The following AQP9 variants were observed in gnomAD, a reference collection of about 807,000 sequenced individuals.
The protein encoded by AQP9 is aquaporin 9.
In AQP9, 19 loss-of-function variants were observed where a neutral mutation model predicts 23.8. The ratio of observed to expected loss-of-function variants is 0.80; its 90% CI spans 0.56 to 1.17. The LOEUF (loss-of-function observed/expected upper bound fraction) is 1.17. Among genes scored for constraint, AQP9 ranks in the 50% most tolerant of loss-of-function variants. The pLI is 0.00. For synonymous variants in AQP9, 153 were observed against 131.5 expected (o/e 1.16, Z -1.12); for missense variants, 413 against 362.0 (o/e 1.14, Z -1.14).
intron 2 of AQP9, among the ~76,000 whole-genome samples, chr15:58,172,185 C>A (rs929894251): frequency 6.6e-6 from 1 of 152,168 alleles, no homozygotes; most frequent in Non-Finnish European, 1.5e-5. Context: ...GACCATGTAG[C>A]CTTAAGAAAC....
chr15:58,182,570 A>G (rs1410830950), intron 5 of AQP9, among the ~76,000 whole-genome samples: 3 of 152,184 alleles, frequency 2.0e-5, no homozygotes, highest in Admixed American at 1.3e-4. Flanking sequence ...TACTCCCTTC[A>G]TGTTTTGACC....
At chr15:58,183,364 T>A (rs1250728726) in intron 5 of AQP9, among the ~76,000 whole-genome samples, 1 of 152,212 alleles carries the variant, frequency 6.6e-6, no homozygotes, top group African/African-American at 2.4e-5. Flanking sequence ...GTACTAACAT[T>A]GAGGATTTCT....
chr15:58,166,638 C>G, intron 1 of AQP9, 35 bp from the exon 2 acceptor site: 1 of 1,570,612 alleles, frequency 6.4e-7, no homozygotes, highest in East Asian at 2.3e-5. Flanking sequence ...CAGTAGCCAT[C>G]CCCACTTACC....
At chr15:58,142,354 A>G (rs1450269710) in intron 1 of AQP9, among the ~76,000 whole-genome samples, 1 of 152,222 alleles carries the variant, frequency 6.6e-6, no homozygotes, top group African/African-American at 2.4e-5. Flanking sequence ...TAATACCATC[A>G]TTTGATGAGA....
intron 4 of AQP9, among the ~76,000 whole-genome samples, chr15:58,178,076 A>G (rs1898796913): frequency 6.6e-6 from 1 of 152,198 alleles, no homozygotes; most frequent in Non-Finnish European, 1.5e-5. Flanking sequence ...AATAATCTAG[A>G]GATGATTTAA....
Position 58,184,266 on chromosome 15 carries a change from A to G in AQP9, c.*131A>G. 1.1e-6 allele frequency: 1 copy of G among 919,666 alleles called. No individual in the cohort carries two copies. Among genetic ancestry groups the G allele is most frequent in the South Asian group, 1.8e-5 (1 of 56,354 alleles). The allele number at this position is 919,666 out of a possible 1,614,324, so 57.0% of individuals were successfully genotyped here. On this transcript the variant is annotated 3_prime_UTR_variant, in exon 6 of 6. Coordinates refer to ENST00000219919, the MANE Select transcript of AQP9 (RefSeq NM_020980.5). ...TGTCTGCTAGCCATATGGGACATCT[A>G]ATTGGAAAAGCATCTGCATAAAAGT...
At chr15:58,161,156 T>C (rs2140609726) in intron 1 of AQP9, among the ~76,000 whole-genome samples, 1 of 152,006 alleles carries the variant, frequency 6.6e-6, no homozygotes. Flanking sequence ...GGGACACTGA[T>C]TGGAGGCTGC....
chr15:58,173,035 C>G, intron 2 of AQP9, 33 bp from the exon 3 acceptor site: 1 of 1,613,020 alleles, frequency 6.2e-7, no homozygotes, highest in Non-Finnish European at 8.5e-7. Flanking sequence ...TCTTCCTAAC[C>G]TGCCCTCTCA....
chr15:58,164,259 A>T (rs1209269834), intron 1 of AQP9: 4 of 152,176 alleles, frequency 2.6e-5, no homozygotes, highest in African/African-American at 9.7e-5. Flanking sequence ...GAACAAGTGC[A>T]TGTACATCAG....
At chr15:58,162,831 T>A (rs1282373929) in intron 1 of AQP9, among the ~76,000 whole-genome samples, 4 of 152,184 alleles carry the variant, frequency 2.6e-5, no homozygotes, top group African/African-American at 9.6e-5. Context: ...GTTCCACTTT[T>A]CGAGCCACTC....
intron 2 of AQP9, among the ~76,000 whole-genome samples, chr15:58,170,403 C>A (rs913795804): frequency 2.0e-5 from 3 of 151,752 alleles, no homozygotes; most frequent in Non-Finnish European, 1.5e-5. Context: ...CAGATTATTT[C>A]TTCAACTTTC....
At chr15:58,178,079 T>C (rs544244555) in intron 4 of AQP9, among the ~76,000 whole-genome samples, 1 of 152,310 alleles carries the variant, frequency 6.6e-6, no homozygotes, top group South Asian at 2.1e-4. Context: ...AATCTAGAGA[T>C]GATTTAAAGT....
In AQP9 at chr15:58,184,187, A is replaced by T. The variant is rs1486366872; in HGVS notation, c.*52A>T. 6.3e-7 allele frequency: 1 copy of T among 1,575,896 alleles called. No homozygotes were observed. The highest frequency in any genetic ancestry group is 8.7e-7 in the Non-Finnish European group (1 of 1,153,128). On this transcript the variant is annotated 3_prime_UTR_variant, in exon 6 of 6. Coordinates refer to ENST00000219919, the MANE Select transcript of AQP9 (RefSeq NM_020980.5). The stretch of plus-strand genomic sequence containing the variant: ...TCAGTTTGGGATTCTCTTCAGAAAG[A>T]TGGCATCTAAGTGTCTGTGTTCTTG...
Position 58,184,774 on chromosome 15 carries a change from A to G in AQP9, c.*639A>G, listed in dbSNP as rs1037295456. 5.3e-5 allele frequency: 8 copies of G among 152,218 alleles called. No homozygotes were observed. Among genetic ancestry groups the G allele is most frequent in the Non-Finnish European group, 1.2e-4 (8 of 68,038 alleles). 9.4% of individuals were successfully genotyped at this position (152,218 alleles called of 1,614,324 possible). On this transcript the variant is annotated 3_prime_UTR_variant, in exon 6 of 6. Coordinates refer to ENST00000219919, the MANE Select transcript of AQP9 (RefSeq NM_020980.5). ...GGAGACAAGATGAATTTGAGAAGCC[A>G]AATGGAATTTTTAATGGAAACCATT...
intron 1 of AQP9, among the ~76,000 whole-genome samples, chr15:58,158,586 C>G (rs1277697743): frequency 6.6e-6 from 1 of 152,090 alleles, no homozygotes; most frequent in African/African-American, 2.4e-5. Flanking sequence ...TTCACACTAC[C>G]CTAAACAGAT....
At chr15:58,144,553 C>A (rs1566979840) in intron 1 of AQP9, among the ~76,000 whole-genome samples, 2 of 152,058 alleles carry the variant, frequency 1.3e-5, no homozygotes, top group Admixed American at 1.3e-4. Flanking sequence ...TGTCTTTCTA[C>A]TTTTATTACC....
At chr15:58,159,613 T>C (rs1460198626) in intron 1 of AQP9, among the ~76,000 whole-genome samples, 2 of 152,216 alleles carry the variant, frequency 1.3e-5, no homozygotes, top group Admixed American at 1.3e-4. Flanking sequence ...GTCTTATTTC[T>C]TCTATCAAAC....
At chr15:58,154,472 C>A (rs1415563120) in intron 1 of AQP9, 1 of 152,066 alleles carries the variant, frequency 6.6e-6, no homozygotes, top group Non-Finnish European at 1.5e-5. Context: ...GCCACCAATA[C>A]CCGTAACTGT....
At chr15:58,167,722 T>G (rs1260491119) in intron 2 of AQP9, among the ~76,000 whole-genome samples, 2 of 151,476 alleles carry the variant, frequency 1.3e-5, no homozygotes, top group African/African-American at 4.9e-5. Flanking sequence ...TGTTTGTTTT[T>G]TGTTTGGTTT....
Sources: allele counts gnomAD v4.1 joint callset (sites outside exome capture counted in the v4.1 genomes callset), GRCh38; gene constraint gnomAD v4.1.1; transcripts MANE v1.5; gene names NCBI Gene and HGNC (gene_info 2026-07-23, HGNC 2026-07-21).